Variants in EVPL observed in about 807,000 individuals in gnomAD.
The protein encoded by EVPL is 210 kDa cornified envelope precursor protein.
Under a neutral mutation model 129.7 loss-of-function variants are expected in EVPL, and 94 were observed. The ratio of observed to expected loss-of-function variants is 0.72; its 90% CI spans 0.61 to 0.86. The LOEUF (loss-of-function observed/expected upper bound fraction) is 0.86, where lower values mean the gene tolerates loss of function less well. EVPL is among the 40% of genes least tolerant of loss of function. The pLI, the probability that EVPL is intolerant of heterozygous loss-of-function variation, is 0.00. For missense variants in EVPL, 2,625 were observed against 2,721.1 expected, an observed-to-expected ratio of 0.96 and a Z score of 0.79; for synonymous variants, 1,172 against 1,191.1, an observed-to-expected ratio of 0.98 and a Z score of 0.33.
Position 76,006,869 on chromosome 17 carries a change from T to G in EVPL, c.*234A>C. Reference sequence around the variant, plus strand: ...GGCACGGGGAGACAGAATTCGTTTATTGGGATCACTGGGTGGAGGTGGAGG... The same window carrying G: ...GGCACGGGGAGACAGAATTCGTTTAGTGGGATCACTGGGTGGAGGTGGAGG... On this transcript the variant is annotated 3_prime_UTR_variant, in exon 22 of 22. Coordinates refer to ENST00000301607, the MANE Select transcript of EVPL (RefSeq NM_001988.4). 5.0e-6 allele frequency: 2 copies of G among 401,038 alleles called. No individual in the cohort carries two copies. The highest frequency in any genetic ancestry group is 3.7e-5 in the East Asian group (1 of 26,860). The allele number at this position is 401,038 out of a possible 1,614,324, so 24.8% of individuals were successfully genotyped here.
At chr17:76,025,772 C>T (rs1243042609) in intron 1 of EVPL, among the ~76,000 whole-genome samples, 8 of 152,256 alleles carry the variant, frequency 5.3e-5, no homozygotes, top group Admixed American at 2.0e-4. Context: ...CATCTCGACA[C>T]CCTGGACCCA....
chr17:76,014,048 A>T (rs1319795943), intron 18 of EVPL, among the ~76,000 whole-genome samples: 10 of 152,050 alleles, frequency 6.6e-5, no homozygotes, highest in Admixed American at 6.5e-4. Context: ...GCCTGGGGGC[A>T]CCCACAGCAC....
chr17:76,027,251 A>G lies in EVPL; in HGVS notation c.-53T>C. 1 of 1,352,884 alleles carries G rather than the reference A, an allele frequency of 7.4e-7. No homozygotes were observed. 83.8% of individuals were successfully genotyped at this position (1,352,884 alleles called of 1,614,324 possible). On this transcript the variant is annotated 5_prime_UTR_variant, in exon 1 of 22. Transcript: ENST00000301607. ...CTGGGCTTGGCTGGCGAAAGACGGC[A>G]GGAGGGCAGGTGGGAGGCAGCGGGC... is the stretch of plus-strand genomic sequence containing the variant.
chr17:76,025,862 G>T (rs1238456170), intron 1 of EVPL, among the ~76,000 whole-genome samples: 1 of 152,208 alleles, frequency 6.6e-6, no homozygotes, highest in Non-Finnish European at 1.5e-5. Flanking sequence ...ACAGATTGCT[G>T]AGGCTGGGCT....
rs764241294 is a variant in EVPL at position 76,008,567 on chromosome 17, C to T, written c.4638G>A (p.Glu1546=). ...CCTCCCGGGCCTGCCGGGCCGTGCG[C>T]TCCCTGTTGAGCATCTCCCACACGC... ...RARVWEMLNR[E]RTARQAREEE... The change falls in exon 22 of 22, where the codon GAG becomes GAA. Residue 1546 remains glutamate, a synonymous_variant. Coordinates refer to ENST00000301607, the MANE Select transcript of EVPL (RefSeq NM_001988.4). This position sits in a 1 kb window ranked among gnomAD's most constrained non-coding sequence, Gnocchi z 7.4. 13 of 1,610,260 alleles carry T rather than the reference C, an allele frequency of 8.1e-6. No homozygotes were observed. The Admixed American group carries it at 2.2e-4, about 27-fold the overall frequency.
In EVPL at chr17:76,017,907, T is replaced by C. The variant is rs1400452010; in HGVS notation, c.1542A>G (p.Pro514=). The change falls in exon 14 of 22, where the codon CCA becomes CCG. Residue 514 remains proline, a synonymous_variant. Transcript: ENST00000301607. ...VESLRPSQQA[P]SGSDLANPQA... is the part of the protein sequence containing the mutation. ...GTGGGTTGGCCAGGTCTGAGCCAGATGGAGCTGGGGGCAGAGGTGCTGGTG... is the reference window on the plus strand; with the variant it reads ...GTGGGTTGGCCAGGTCTGAGCCAGACGGAGCTGGGGGCAGAGGTGCTGGTG... The C allele has an allele frequency of 6.2e-7, 1 of 1,614,012 alleles. No individual in the cohort carries two copies.
In EVPL at chr17:76,015,349, C is replaced by G. The variant is rs1431460969; in HGVS notation, c.1906G>C (p.Asp636His). Residue 636 changes from aspartate to histidine, a missense_variant, in exon 16 of 22, where the codon GAT becomes CAT. Coordinates refer to ENST00000301607, the MANE Select transcript of EVPL (RefSeq NM_001988.4). ...GCATCCTGGATCTGCCGCTCCAGAT[C>G]CAGGGCAGCCTTGGCTCTGCCGCAG... ...LYGEKAKAAL[D>H]LERQIQDADR... is the part of the protein sequence containing the mutation. 1 of 1,604,280 alleles carries G rather than the reference C, an allele frequency of 6.2e-7. No homozygotes were observed. The highest frequency in any genetic ancestry group is 1.3e-5 in the African/African-American group (1 of 75,002).
chr17:76,018,327 C>T (rs953510810), intron 12 of EVPL, 69 bp from the exon 13 acceptor site: 15 of 1,516,272 alleles, frequency 9.9e-6, no homozygotes, highest in African/African-American at 2.8e-5. Context: ...CCCCAGTAGA[C>T]GCAGCTTCAG....
Position 76,027,181 on chromosome 17 carries a change from G to T in EVPL, c.18C>A (p.Ser6Arg), listed in dbSNP as rs748542913. The change falls in exon 1 of 22, where the codon AGC becomes AGA. Residue 6 changes from serine (S) to arginine (R), a missense_variant. By Grantham distance (110) the Ser-to-Arg change is moderately radical (BLOSUM62 -1). This residue lies in a region of EVPL where 139 missense variants were observed against 186.8 expected (regional missense o/e 0.74). Coordinates refer to ENST00000301607, the MANE Select transcript of EVPL (RefSeq NM_001988.4). MFKGL[S>R]KGSQGKGSPK... is the part of the protein sequence containing the mutation. ...GGGACCCCTTCCCCTGGGAGCCTTT[G>T]CTCAGCCCCTTGAACATGGTCGTAA... is the stretch of plus-strand genomic sequence containing the variant. The T allele has an allele frequency of 1.3e-6, 2 of 1,599,536 alleles. No individual in the cohort carries two copies. Among genetic ancestry groups the T allele is most frequent in the Admixed American group, 3.4e-5 (2 of 58,472 alleles).
intron 18 of EVPL, 91 bp downstream of exon 18, chr17:76,014,335 G>GC: frequency 1.4e-6 from 2 of 1,473,376 alleles, no homozygotes; most frequent in Non-Finnish European, 1.8e-6. Flanking sequence ...GGCCTCCGTG[G>GC]CCTGGGCTTT....
Position 76,024,301 on chromosome 17 carries a change from A to G in EVPL, c.99-181T>C, listed in dbSNP as rs112191977. Among the ~76,000 whole-genome samples the G allele has an allele frequency of 3.9e-5, 6 of 152,046 alleles. No homozygotes were observed. Among genetic ancestry groups the G allele is most frequent in the South Asian group, 2.1e-4 (1 of 4,814 alleles). On this transcript the variant is annotated intron_variant, in intron 1 of 21. Transcript: ENST00000301607. The surrounding 1 kb of genome is among the most constrained non-coding windows in gnomAD (Gnocchi z 4.5). ...GCTAGTCCTGGTTGGGGGTGTTAGC[A>G]CTGCCCCGCCACATGAGGGGTCAAA...
intron 14 of EVPL, among the ~76,000 whole-genome samples, chr17:76,016,744 T>A (rs1345374372): frequency 6.6e-6 from 1 of 152,006 alleles, no homozygotes; most frequent in Non-Finnish European, 1.5e-5. Flanking sequence ...CAAAACCCCA[T>A]CTCTACCAAA....
In EVPL at chr17:76,018,498, C is replaced by A; in HGVS notation, c.1387G>T (p.Ala463Ser). 3 of 1,612,396 alleles carry A rather than the reference C, an allele frequency of 1.9e-6. No homozygotes were observed. Among genetic ancestry groups the A allele is most frequent in the South Asian group, 2.2e-5 (2 of 90,972 alleles). ...TCTGGTGCTGGGATGCAGAAGCAGG[C>A]GGCGGGAGCACGCTTGGTCTCCCCG... ...PGGETKRAPA[A>S]CFCIPAPDPD... The change falls in exon 12 of 22, where the codon GCC becomes TCC. Residue 463 changes from alanine (A) to serine (S), a missense_variant. Around this residue, in one of 4 missense-constraint regions of EVPL, gnomAD observed 1,024 missense variants for 997.5 expected, o/e 1.03. Coordinates refer to ENST00000301607, the MANE Select transcript of EVPL (RefSeq NM_001988.4).
intron 11 of EVPL, 133 bp from the exon 12 acceptor site, chr17:76,018,733 C>A: frequency 4.9e-6 from 6 of 1,220,840 alleles, no homozygotes; most frequent in Middle Eastern, 2.5e-4. Context: ...GTGGGAGGTG[C>A]TGGGGTAGAA....
intron 21 of EVPL, 80 bp downstream of exon 21, chr17:76,011,496 G>T (rs2144408258): frequency 8.0e-7 from 1 of 1,249,010 alleles, no homozygotes; most frequent in Non-Finnish European, 1.2e-6. Context: ...CAGGGTGACA[G>T]CCTGGCATTT....
chr17:76,016,402 T>C (rs568965569), intron 14 of EVPL, among the ~76,000 whole-genome samples: 8 of 152,340 alleles, frequency 5.3e-5, no homozygotes, highest in African/African-American at 1.9e-4. Flanking sequence ...GTGCTGACTC[T>C]GCACCAGGCA....
rs563372463 is a variant in EVPL at position 76,008,536 on chromosome 17, C to T, written c.4669G>A (p.Ala1557Thr). Reference protein sequence around the residue: ...RTARQAREEEARRLRERIDRA... With the variant: ...RTARQAREEETRRLRERIDRA... The stretch of plus-strand genomic sequence containing the variant: ...TCAATGCGCTCCCGCAGGCGCCGTG[C>T]CTCCTCCTCCCGGGCCTGCCGGGCC... The change falls in exon 22 of 22, where the codon GCA becomes ACA. Residue 1557 changes from alanine to threonine, a missense_variant. Physicochemically the swap from Ala to Thr is moderately conservative, Grantham distance 58 (BLOSUM62 0). Around this residue, in one of 4 missense-constraint regions of EVPL, gnomAD observed 1,453 missense variants for 1,511.8 expected, o/e 0.96. Transcript: ENST00000301607. This position sits in a 1 kb window ranked among gnomAD's most constrained non-coding sequence, Gnocchi z 7.4. 3.9e-4 allele frequency: 629 copies of T among 1,607,498 alleles called. 6 individuals are homozygous for T. In the South Asian group the frequency reaches 6.3e-3, roughly 16 times the overall value.
intron 10 of EVPL, among the ~76,000 whole-genome samples, chr17:76,019,272 C>T (rs1417366982): frequency 1.3e-5 from 2 of 152,070 alleles, no homozygotes; most frequent in South Asian, 2.1e-4. Flanking sequence ...CCCAGGCCAC[C>T]AAGCAGAAGC....
intron 18 of EVPL, 42 bp from the exon 19 acceptor site, chr17:76,012,131 A>G (rs1277116752): frequency 1.3e-6 from 2 of 1,493,968 alleles, no homozygotes; most frequent in East Asian, 4.6e-5. Flanking sequence ...AGGAAATGCC[A>G]ATCACCCTGA....
Sources: gnomAD v4.1 joint callset for allele counts (sites outside exome capture counted in the v4.1 genomes callset) on GRCh38, gnomAD v4.1.1 for gene constraint, gnomAD v4.1.1 regional missense constraint, Gnocchi (gnomAD v3.1) non-coding constraint, MANE v1.5 for transcripts, NCBI Gene and HGNC (gene_info 2026-07-23, HGNC 2026-07-21) for gene names.